Variants in SEMA5A observed in about 807,000 individuals in gnomAD.
SEMA5A encodes the protein semaphorin-5A.
In SEMA5A, 55 loss-of-function variants were observed where a neutral mutation model predicts 135.5. That is an observed-to-expected ratio of 0.41 (90% confidence interval 0.33 to 0.51). SEMA5A has a LOEUF of 0.51. Among genes scored for constraint, SEMA5A ranks in the 20% least tolerant of loss-of-function variants. The pLI is 0.37. For synonymous variants in SEMA5A, 580 were observed against 546.5 expected (o/e 1.06, Z -0.85); for missense variants, 1,290 against 1,419.9 (o/e 0.91, Z 1.47).
intron 1 of SEMA5A, among the ~76,000 whole-genome samples, chr5:9,493,558 G>A (rs1416252451): frequency 6.6e-6 from 1 of 152,116 alleles, no homozygotes; most frequent in Non-Finnish European, 1.5e-5. Context: ...AAGCCATGGG[G>A]CAATGGAACT....
At chr5:9,153,608 G>A (rs922144179) in intron 12 of SEMA5A, among the ~76,000 whole-genome samples, 1 of 122,144 alleles carries the variant, frequency 8.2e-6, no homozygotes, top group Non-Finnish European at 2.1e-5. Context: ...ACAGTGGCGG[G>A]GGAGGGGGGG....
chr5:9,079,787 T>G (rs767233479), intron 16 of SEMA5A, among the ~76,000 whole-genome samples: 1 of 151,262 alleles, frequency 6.6e-6, no homozygotes, highest in African/African-American at 2.4e-5. Flanking sequence ...GCAACAAACA[T>G]ATGAAAAAAA....
intron 3 of SEMA5A, among the ~76,000 whole-genome samples, chr5:9,348,329 C>G (rs1753966973): frequency 6.6e-6 from 1 of 152,196 alleles, no homozygotes; most frequent in African/African-American, 2.4e-5. Context: ...GCAATTTCTA[C>G]TCATCCATCA....
At chr5:9,225,011 A>C (rs983190315) in intron 7 of SEMA5A, 124 bp from the exon 8 acceptor site, 1 of 787,162 alleles carries the variant, frequency 1.3e-6, no homozygotes, top group African/African-American at 1.7e-5. Context: ...CCCATGGGGC[A>C]AGATGACCAA....
chr5:9,231,465 CAAAAAAAAAAAAAAA>C lies in SEMA5A; in HGVS notation c.334-4513_334-4499del, dbSNP rs58901854. Among the ~76,000 whole-genome samples, 206 of 64,684 alleles carry C rather than the reference CAAAAAAAAAAAAAAA, an allele frequency of 3.2e-3. 4 individuals are homozygous for C. Among genetic ancestry groups the C allele is most frequent in the African/African-American group, 0.012 (193 of 15,466 alleles). The allele number at this position is 64,684 out of a possible 152,430, so 42.4% of individuals were successfully genotyped here. On this transcript the variant is annotated intron_variant, in intron 6 of 22. Transcript: ENST00000382496. Reference sequence around the variant, plus strand: ...CTGAGTACAGAGCAAGACTCCATCTCAAAAAAAAAAAAAAAAAAAAAAAAAAAATGGAAATGAGTA... The same window carrying C: ...CTGAGTACAGAGCAAGACTCCATCTCAAAAAAAAAAAAATGGAAATGAGTA...
At chr5:9,454,173 G>T (rs907102372) in intron 1 of SEMA5A, among the ~76,000 whole-genome samples, 7 of 152,194 alleles carry the variant, frequency 4.6e-5, no homozygotes, top group Admixed American at 4.6e-4. Flanking sequence ...CATCAGGGAC[G>T]ACAGGCTGGT....
intron 16 of SEMA5A, among the ~76,000 whole-genome samples, chr5:9,089,348 A>G (rs1257641480): frequency 1.3e-5 from 2 of 152,196 alleles, no homozygotes; most frequent in African/African-American, 4.8e-5. Context: ...TACTCAATAA[A>G]CAACTTTTAA....
At chr5:9,509,394 C>G (rs1449978397) in intron 1 of SEMA5A, among the ~76,000 whole-genome samples, 2 of 152,070 alleles carry the variant, frequency 1.3e-5, no homozygotes, top group Non-Finnish European at 2.9e-5. Context: ...CCTGTCTCAG[C>G]CTCCCGAGTA....
chr5:9,409,321 T>C (rs1757017746), intron 2 of SEMA5A, among the ~76,000 whole-genome samples: 1 of 152,160 alleles, frequency 6.6e-6, no homozygotes, highest in Non-Finnish European at 1.5e-5. Context: ...ACAGTGCAAT[T>C]TGGGATTCAG....
At chr5:9,541,014 T>C (rs1370920219) in intron 1 of SEMA5A, among the ~76,000 whole-genome samples, 1 of 152,218 alleles carries the variant, frequency 6.6e-6, no homozygotes. Flanking sequence ...AAATTTTTTC[T>C]TAGTTGCTTT....
At chr5:9,184,240 T>C (rs1744683413) in intron 11 of SEMA5A, among the ~76,000 whole-genome samples, 2 of 129,836 alleles carry the variant, frequency 1.5e-5, no homozygotes, top group African/African-American at 2.7e-5. Context: ...GACCATGTGA[T>C]TTTTTTTCAT....
intron 1 of SEMA5A, among the ~76,000 whole-genome samples, chr5:9,448,743 C>A (rs1424916296): frequency 6.6e-6 from 1 of 151,788 alleles, no homozygotes; most frequent in African/African-American, 2.4e-5. Context: ...TCCCTGCCTG[C>A]TGGCTCTCTG....
intron 1 of SEMA5A, among the ~76,000 whole-genome samples, chr5:9,452,464 T>C (rs1217759322): frequency 6.6e-6 from 1 of 152,090 alleles, no homozygotes; most frequent in African/African-American, 2.4e-5. Flanking sequence ...ATACACACTC[T>C]CTCAGGCAAG....
intron 3 of SEMA5A, among the ~76,000 whole-genome samples, chr5:9,354,401 A>G (rs528755565): frequency 6.6e-6 from 1 of 152,220 alleles, no homozygotes; most frequent in South Asian, 2.1e-4. Context: ...TGACATGTTT[A>G]TATTCTCATT....
chr5:9,207,884 G>C (rs63048160), intron 8 of SEMA5A, among the ~76,000 whole-genome samples: 13 of 44,236 alleles, frequency 2.9e-4, no homozygotes, highest in South Asian at 1.1e-3. Flanking sequence ...TAGATAGATA[G>C]ATAGATAGAT....
intron 11 of SEMA5A, among the ~76,000 whole-genome samples, chr5:9,162,604 C>G (rs1743356392): frequency 8.8e-6 from 1 of 113,474 alleles, no homozygotes; most frequent in African/African-American, 4.3e-5. Flanking sequence ...ACACACAAAC[C>G]ATCTTTTCTT....
At chr5:9,219,945 G>A (rs979455949) in intron 8 of SEMA5A, among the ~76,000 whole-genome samples, 2 of 152,132 alleles carry the variant, frequency 1.3e-5, no homozygotes, top group Non-Finnish European at 2.9e-5. Context: ...AGGCGGGCAT[G>A]GTGTGAGTCA....
At chr5:9,242,293 G>A (rs1178798920) in intron 5 of SEMA5A, among the ~76,000 whole-genome samples, 4 of 152,180 alleles carry the variant, frequency 2.6e-5, no homozygotes, top group African/African-American at 4.8e-5. Flanking sequence ...GGTCACACGT[G>A]TCAGGGTCAC....
At chr5:9,380,591 G>A (rs1246948564) in intron 2 of SEMA5A, among the ~76,000 whole-genome samples, 6 of 152,140 alleles carry the variant, frequency 3.9e-5, no homozygotes, top group Non-Finnish European at 5.9e-5. Flanking sequence ...TAAAATTGTA[G>A]ATAATCTGCC....
Sources: gnomAD v4.1 joint callset for allele counts (sites outside exome capture counted in the v4.1 genomes callset) on GRCh38, gnomAD v4.1.1 for gene constraint, MANE v1.5 for transcripts, NCBI Gene and HGNC (gene_info 2026-07-23, HGNC 2026-07-21) for gene names.